HECTD4: variants seen among roughly 807,000 people sequenced by gnomAD.
The protein encoded by HECTD4 is HECT domain E3 ubiquitin protein ligase 4.
HECTD4 carries 114 observed loss-of-function variants against 471.5 expected under a neutral mutation model. The observed-to-expected ratio is 0.24, with a 90% CI of 0.21 to 0.28. The LOEUF is 0.28. Ranked by LOEUF, HECTD4 falls within the 10% of genes least tolerant of loss-of-function variation. The pLI, the probability that HECTD4 is intolerant of heterozygous loss-of-function variation, is 1.00. For synonymous variants in HECTD4, 2,012 were observed against 2,256.0 expected, an observed-to-expected ratio of 0.89 and a Z score of 3.07; for missense variants, 3,866 against 5,651.5, an observed-to-expected ratio of 0.68 and a Z score of 10.13.
At chr12:112,266,066 A>G in intron 14 of HECTD4, 83 bp from the exon 15 acceptor site, 1 of 993,068 alleles carries the variant, frequency 1.0e-6, no homozygotes, top group East Asian at 2.6e-5. Context: ...TTTTAAACAA[A>G]TAGATTGTCG....
At position 112,279,263 on chromosome 12, in the gene HECTD4, A is replaced by G; in HGVS notation, c.1652T>C (p.Leu551Pro). 1 of 1,610,744 alleles carries G rather than the reference A, an allele frequency of 6.2e-7. No homozygotes were observed. Among genetic ancestry groups the G allele is most frequent in the Non-Finnish European group, 8.5e-7 (1 of 1,179,210 alleles). The change falls in exon 9 of 76, where the codon CTT becomes CCT. Residue 551 changes from leucine to proline, a missense_variant. By Grantham distance (98) the Leu-to-Pro change is moderately conservative. This residue lies in a region of HECTD4 where 525 missense variants were observed against 672.6 expected (regional missense o/e 0.78). Coordinates refer to ENST00000682272, the MANE Select transcript of HECTD4 (RefSeq NM_001388303.1). Reference protein sequence around the residue: ...GGSGSSATRSLFGGTSGLSSL... With the variant: ...GGSGSSATRSPFGGTSGLSSL... ...TGACAAACCACTTGTTCCACCAAAA[A>G]GAGATCGGGTGGCAGAGCTGCCTGA...
intron 1 of HECTD4, among the ~76,000 whole-genome samples, chr12:112,374,746 A>G (rs2036746886): frequency 6.6e-6 from 1 of 152,258 alleles, no homozygotes; most frequent in African/African-American, 2.4e-5. Context: ...ATAGACCAAC[A>G]TAAATCTAAA....
chr12:112,184,809 C>A lies in HECTD4; in HGVS notation c.10157G>T (p.Cys3386Phe), dbSNP rs777209511. The A allele has an allele frequency of 6.2e-7, 1 of 1,609,844 alleles. No homozygotes were observed. The highest frequency in any genetic ancestry group is 8.5e-7 in the Non-Finnish European group (1 of 1,177,286). ...GGCGGTGGGGCCCACCAGGGCCTGG[C>A]AGGCATCGGCGATGGCGTCACTCGT... ...GVTSDAIADA[C>F]QALVGPTAHS... Residue 3386 changes from cysteine (C) to phenylalanine (F), a missense_variant, in exon 61 of 76, where the codon TGC (cysteine) becomes TTC (phenylalanine). By Grantham distance (205) the Cys-to-Phe change is radical (BLOSUM62 -2). Around this residue, in one of 16 missense-constraint regions of HECTD4, gnomAD observed 71 missense variants for 144.5 expected, o/e 0.49. Coordinates refer to ENST00000682272, the MANE Select transcript of HECTD4 (RefSeq NM_001388303.1). This position sits in a 1 kb window ranked among gnomAD's most constrained non-coding sequence, Gnocchi z 9.1.
chr12:112,200,887 G>A (rs1325148579), intron 54 of HECTD4, 89 bp from the exon 55 acceptor site: 24 of 241,672 alleles, frequency 9.9e-5, no homozygotes, highest in Non-Finnish European at 1.4e-4. Context: ...GTGCGTGCGT[G>A]TGTGTGTGTG....
intron 3 of HECTD4, among the ~76,000 whole-genome samples, chr12:112,313,766 C>T (rs1244571199): frequency 1.3e-5 from 2 of 151,686 alleles, no homozygotes; most frequent in East Asian, 1.9e-4. Context: ...TGTGATCACA[C>T]GCATGAGCCA....
chr12:112,204,635 A>G lies in HECTD4; in HGVS notation c.8132-12T>C. On this transcript the variant is annotated splice_polypyrimidine_tract_variant and intron_variant, in intron 52 of 75. Coordinates refer to ENST00000682272, the MANE Select transcript of HECTD4 (RefSeq NM_001388303.1). ...AATATCCACCATACCTAAAAAATAT[A>G]ACAGCACAGGGTAACTCCCCAAAGA... 1.2e-6 allele frequency: 2 copies of G among 1,608,806 alleles called. No homozygotes were observed. Among genetic ancestry groups the G allele is most frequent in the African/African-American group, 1.3e-5 (1 of 74,928 alleles).
rs140462218 is a variant in HECTD4, at chr12:112,321,570, C to T, written c.178-1828G>A. On this transcript the variant is annotated intron_variant, in intron 1 of 75. Coordinates refer to ENST00000682272, the MANE Select transcript of HECTD4 (RefSeq NM_001388303.1). ...AATTCTGCCAGGTCTTTGGCACTGA[C>T]ATTAAGAAAGGTCATAGTGCAGTTT... Among the ~76,000 whole-genome samples the T allele has an allele frequency of 3.3e-4, 51 of 152,258 alleles. No homozygotes were observed. The East Asian group carries it at 8.5e-3, about 25-fold the overall frequency.
At chr12:112,302,713 C>A in intron 7 of HECTD4, 1 of 432,738 alleles carries the variant, frequency 2.3e-6, no homozygotes, top group South Asian at 3.3e-5. Flanking sequence ...AACTTTTTCT[C>A]ATTTTTAATC....
intron 29 of HECTD4, among the ~76,000 whole-genome samples, chr12:112,244,963 G>A (rs777734386): frequency 6.6e-6 from 1 of 152,028 alleles, no homozygotes; most frequent in Non-Finnish European, 1.5e-5. Flanking sequence ...TTGAGAAAGT[G>A]CAGGAAAAAA....
intron 17 of HECTD4, 85 bp from the exon 18 acceptor site, chr12:112,261,514 G>T: frequency 7.7e-7 from 1 of 1,297,748 alleles, no homozygotes; most frequent in Non-Finnish European, 1.1e-6. Flanking sequence ...TGTATTTAAT[G>T]ATGTATTTCC....
chr12:112,307,273 A>C (rs895981837), intron 6 of HECTD4, among the ~76,000 whole-genome samples: 2 of 152,216 alleles, frequency 1.3e-5, no homozygotes, highest in African/African-American at 4.8e-5. Context: ...TCAAAAGTAA[A>C]AACTCATTTA....
chr12:112,224,486 T>A (rs1454890812), intron 44 of HECTD4, among the ~76,000 whole-genome samples: 1 of 152,074 alleles, frequency 6.6e-6, no homozygotes, highest in Non-Finnish European at 1.5e-5. Flanking sequence ...CAGGATGGTC[T>A]CCATCTCCTG....
At chr12:112,256,765 C>G (rs1350868101) in intron 20 of HECTD4, 2 of 285,122 alleles carry the variant, frequency 7.0e-6, no homozygotes, top group African/African-American at 4.4e-5. Context: ...GGACAAGAAG[C>G]AGAGATATAT....
At chr12:112,229,584 C>T in intron 41 of HECTD4, 114 bp downstream of exon 41, 1 of 1,052,346 alleles carries the variant, frequency 9.5e-7, no homozygotes, top group Non-Finnish European at 1.4e-6. Context: ...CTTGAAGAAA[C>T]AGGTTTTTTT....
chr12:112,246,464 T>A (rs908783136), intron 29 of HECTD4, among the ~76,000 whole-genome samples: 9 of 151,928 alleles, frequency 5.9e-5, no homozygotes, highest in African/African-American at 2.2e-4. Context: ...TGAAACCCCG[T>A]CTCTACCAAA....
rs187864671 is a variant in HECTD4, at chr12:112,375,857, T to C, written c.177+6095A>G. ...GTAGAGGCGGCTGGATCACTTGAGG[T>C]CAGCAGTTCAAGTCCACCCTGGCCA... is the stretch of plus-strand genomic sequence containing the variant. On this transcript the variant is annotated intron_variant, in intron 1 of 75. Coordinates refer to ENST00000682272, the MANE Select transcript of HECTD4 (RefSeq NM_001388303.1). Among the ~76,000 whole-genome samples, 5 of 151,194 alleles carry C rather than the reference T, an allele frequency of 3.3e-5. 1 individual carries two copies. The highest frequency in any genetic ancestry group is 3.3e-4 in the Admixed American group (5 of 15,138).
At chr12:112,224,517 C>T (rs570498382) in intron 44 of HECTD4, among the ~76,000 whole-genome samples, 3 of 152,160 alleles carry the variant, frequency 2.0e-5, no homozygotes, top group African/African-American at 7.2e-5. Context: ...CTGCCTGCCT[C>T]GGCCTCCCAA....
chr12:112,297,531 G>A (rs543756143), intron 7 of HECTD4, among the ~76,000 whole-genome samples: 56 of 152,100 alleles, frequency 3.7e-4, no homozygotes, highest in African/African-American at 1.3e-3. Flanking sequence ...TTGCTGACTA[G>A]ATATGGAATT....
intron 1 of HECTD4, among the ~76,000 whole-genome samples, chr12:112,368,861 T>G (rs1187448077): frequency 3.9e-5 from 6 of 152,172 alleles, no homozygotes; most frequent in Non-Finnish European, 7.3e-5. Flanking sequence ...ATATAGGTAT[T>G]TTTCACATAG....
Sources: gnomAD v4.1 joint callset for allele counts (sites outside exome capture counted in the v4.1 genomes callset) on GRCh38, gnomAD v4.1.1 for gene constraint, gnomAD v4.1.1 regional missense constraint, Gnocchi (gnomAD v3.1) non-coding constraint, MANE v1.5 for transcripts, NCBI Gene and HGNC (gene_info 2026-07-23, HGNC 2026-07-21) for gene names.